LNX1: variants seen among roughly 807,000 people sequenced by gnomAD.
The protein encoded by LNX1 is ligand of numb-protein X 1, also known as E3 ubiquitin-protein ligase LNX.
In LNX1, 54 loss-of-function variants were observed where a neutral mutation model predicts 68.4. The observed-to-expected ratio is 0.79, with a 90% CI of 0.63 to 0.99. The LOEUF is 0.99. LNX1 is among the 50% of genes least tolerant of loss of function. The pLI is 0.00. For synonymous variants in LNX1, 336 were observed against 350.0 expected, an observed-to-expected ratio of 0.96 and a Z score of 0.45; for missense variants, 906 against 926.4, an observed-to-expected ratio of 0.98 and a Z score of 0.29.
chr4:53,586,553 C>T (rs555478939), intron 1 of LNX1, among the ~76,000 whole-genome samples: 48 of 152,118 alleles, frequency 3.2e-4, no homozygotes, highest in Non-Finnish European at 3.1e-4. Flanking sequence ...TATTCTAAGT[C>T]ACAAATTAGT....
At chr4:53,630,051 T>C (rs946505912) in intron 1 of LNX1, among the ~76,000 whole-genome samples, 20 of 152,114 alleles carry the variant, frequency 1.3e-4, no homozygotes, top group African/African-American at 4.8e-4. Context: ...GTTGAAAACA[T>C]GAGTATTTTC....
intron 2 of LNX1, among the ~76,000 whole-genome samples, chr4:53,540,912 G>A (rs537451252): frequency 3.3e-5 from 5 of 152,004 alleles, no homozygotes; most frequent in South Asian, 2.1e-4. Context: ...TGAGACGGGC[G>A]GATCACTTGA....
At chr4:53,522,957 A>G (rs1232649432) in intron 2 of LNX1, 1 of 152,204 alleles carries the variant, frequency 6.6e-6, no homozygotes, top group African/African-American at 2.4e-5. Flanking sequence ...TGATTCTGCT[A>G]TCAATTATTA....
intron 1 of LNX1, among the ~76,000 whole-genome samples, chr4:53,639,319 T>G (rs1386537310): frequency 6.6e-6 from 1 of 152,118 alleles, no homozygotes; most frequent in East Asian, 1.9e-4. Flanking sequence ...CAATAGGCAC[T>G]GGGTACTACT....
chr4:53,466,465 A>C (rs1378440571), intron 9 of LNX1, among the ~76,000 whole-genome samples: 2 of 152,240 alleles, frequency 1.3e-5, no homozygotes, highest in Non-Finnish European at 2.9e-5. Flanking sequence ...TACTGGGTTC[A>C]TCTCACTAGG....
chr4:53,469,397 T>C (rs1030632483), intron 9 of LNX1, among the ~76,000 whole-genome samples: 2 of 152,034 alleles, frequency 1.3e-5, no homozygotes, highest in East Asian at 1.9e-4. Context: ...AGGAAAGATC[T>C]AAAATTGACA....
chr4:53,554,354 T>C (rs577814848), intron 2 of LNX1, among the ~76,000 whole-genome samples: 20 of 152,358 alleles, frequency 1.3e-4, no homozygotes, highest in African/African-American at 4.8e-4. Context: ...TGGCCCAACA[T>C]TACGAATTGG....
At position 53,573,948 on chromosome 4, in the gene LNX1, G is replaced by C; in HGVS notation, c.55C>G (p.Gln19Glu). The change falls in exon 2 of 11, where the codon CAA becomes GAA. Residue 19 changes from glutamine to glutamate, a missense_variant. Transcript: ENST00000263925. Reference sequence around the variant, plus strand: ...TGGTTTTCCTCCAAGGAGTGGGCTTGGCCACACACTGCACACAGGGGTTCA... The same window carrying C: ...TGGTTTTCCTCCAAGGAGTGGGCTTCGCCACACACTGCACACAGGGGTTCA... Reference protein sequence around the residue: ...DPEPLCAVCGQAHSLEENHFY... With the variant: ...DPEPLCAVCGEAHSLEENHFY... 6.2e-7 allele frequency: 1 copy of C among 1,613,704 alleles called. No individual in the cohort carries two copies. The highest frequency in any genetic ancestry group is 8.5e-7 in the Non-Finnish European group (1 of 1,179,824).
At chr4:53,593,743 A>T (rs149514533), upstream of LNX1, 2 of 152,096 alleles carry the variant, frequency 1.3e-5, no homozygotes, top group East Asian at 3.9e-4. Flanking sequence ...AAAAAAATGT[A>T]ATCATAAAAA....
At chr4:53,531,913 G>A (rs1251804016) in intron 2 of LNX1, among the ~76,000 whole-genome samples, 1 of 152,138 alleles carries the variant, frequency 6.6e-6, no homozygotes, top group Non-Finnish European at 1.5e-5. Context: ...GGAATGTTTA[G>A]GGAACAGACA....
chr4:53,637,337 G>T (rs557018292), intron 1 of LNX1, among the ~76,000 whole-genome samples: 37 of 150,140 alleles, frequency 2.5e-4, no homozygotes, highest in African/African-American at 8.1e-4. Context: ...GAATCTCTTT[G>T]TACCAACCAC....
At chr4:53,614,812 C>T (rs1158604490) in intron 2 of LNX1, among the ~76,000 whole-genome samples, 4 of 151,962 alleles carry the variant, frequency 2.6e-5, no homozygotes, top group African/African-American at 9.7e-5. Context: ...TTCCTTCAGC[C>T]TCCTGGTCAT....
At chr4:53,584,252 T>A (rs1336087452) in intron 1 of LNX1, among the ~76,000 whole-genome samples, 1 of 152,194 alleles carries the variant, frequency 6.6e-6, no homozygotes, top group African/African-American at 2.4e-5. Context: ...CGGCTGTGTT[T>A]CAATTCTACA....
At chr4:53,560,904 C>T (rs1270914589) in intron 2 of LNX1, among the ~76,000 whole-genome samples, 1 of 152,218 alleles carries the variant, frequency 6.6e-6, no homozygotes, top group African/African-American at 2.4e-5. Flanking sequence ...GGCTAAAACC[C>T]AACCTCAAAT....
intron 1 of LNX1, among the ~76,000 whole-genome samples, chr4:53,589,848 A>C (rs1425637494): frequency 6.6e-6 from 1 of 152,190 alleles, no homozygotes; most frequent in Non-Finnish European, 1.5e-5. Context: ...TCTTTCTTCT[A>C]CCTGGGGGTA....
At chr4:53,506,344 G>T (rs1297680924) in intron 4 of LNX1, among the ~76,000 whole-genome samples, 1 of 152,158 alleles carries the variant, frequency 6.6e-6, no homozygotes. Context: ...TAAAAAAGCT[G>T]TTACTACTAC....
intron 1 of LNX1, among the ~76,000 whole-genome samples, chr4:53,583,834 G>A (rs758542966): frequency 7.9e-5 from 12 of 152,080 alleles, no homozygotes; most frequent in Non-Finnish European, 1.8e-4. Context: ...TTCCCCTGGG[G>A]TGCCATACTT....
intron 1 of LNX1, among the ~76,000 whole-genome samples, chr4:53,636,398 G>T (rs558141078): frequency 6.6e-6 from 1 of 152,034 alleles, no homozygotes; most frequent in Non-Finnish European, 1.5e-5. Context: ...CAGGAGAAAT[G>T]CTGGCAGAGG....
intron 2 of LNX1, among the ~76,000 whole-genome samples, chr4:53,550,869 G>C (rs1729453168): frequency 6.6e-6 from 1 of 152,194 alleles, no homozygotes; most frequent in Non-Finnish European, 1.5e-5. Flanking sequence ...TGAAAAGCCA[G>C]ACCAGGGCGT....
Sources: allele counts gnomAD v4.1 joint callset (sites outside exome capture counted in the v4.1 genomes callset), GRCh38; gene constraint gnomAD v4.1.1; transcripts MANE v1.5; gene names NCBI Gene and HGNC (gene_info 2026-07-23, HGNC 2026-07-21).